Variants in MARCHF1 observed in about 807,000 individuals in gnomAD.
The protein encoded by MARCHF1 is membrane associated ring-CH-type finger 1, also known as E3 ubiquitin-protein ligase MARCHF1.
In MARCHF1, 40 loss-of-function variants were observed where a neutral mutation model predicts 54.2. The ratio of observed to expected loss-of-function variants is 0.74; its 90% CI spans 0.57 to 0.96. The LOEUF (loss-of-function observed/expected upper bound fraction) is 0.96. Among genes scored for constraint, MARCHF1 ranks in the 40% least tolerant of loss-of-function variants. The probability of loss-of-function intolerance (pLI) is 0.00; values close to 1 mark genes in which losing one functional copy is unlikely to be tolerated. For synonymous variants in MARCHF1, 236 were observed against 236.3 expected (o/e 1.00, Z 0.01); for missense variants, 586 against 656.5 (o/e 0.89, Z 1.17).
intron 1 of MARCHF1, among the ~76,000 whole-genome samples, chr4:164,168,697 T>C (rs948643953): frequency 4.4e-5 from 6 of 135,402 alleles, no homozygotes; most frequent in African/African-American, 1.9e-4. Flanking sequence ...CACAAACACA[T>C]AGACACTCCT....
intron 1 of MARCHF1, among the ~76,000 whole-genome samples, chr4:164,353,810 C>T (rs79092126): frequency 5.0e-5 from 7 of 140,350 alleles, no homozygotes; most frequent in East Asian, 4.3e-4. Context: ...TTCAAAAAAT[C>T]AATGAATCCA....
At chr4:163,624,024 A>G (rs1741781354) in intron 5 of MARCHF1, among the ~76,000 whole-genome samples, 4 of 152,216 alleles carry the variant, frequency 2.6e-5, no homozygotes, top group Admixed American at 2.0e-4. Flanking sequence ...ATACCTCGTG[A>G]ACCGTAACAT....
chr4:163,892,622 T>TA (rs1041608656), intron 3 of MARCHF1, among the ~76,000 whole-genome samples: 1 of 149,912 alleles, frequency 6.7e-6, no homozygotes, highest in Admixed American at 6.6e-5. Flanking sequence ...AATAAAAAAA[T>TA]AAAAAAAATT....
chr4:163,590,076 G>A (rs1000562077), intron 7 of MARCHF1, among the ~76,000 whole-genome samples: 13 of 151,914 alleles, frequency 8.6e-5, no homozygotes, highest in Non-Finnish European at 1.5e-5. Flanking sequence ...GTGTGTGTGT[G>A]TGTGTGCTTC....
intron 1 of MARCHF1, among the ~76,000 whole-genome samples, chr4:164,220,018 T>G (rs2111145652): frequency 6.6e-6 from 1 of 151,940 alleles, no homozygotes; most frequent in Non-Finnish European, 1.5e-5. Flanking sequence ...ATAGGTCACT[T>G]TGTATGTATC....
chr4:163,793,857 T>C (rs978014040), intron 4 of MARCHF1, among the ~76,000 whole-genome samples: 4 of 152,102 alleles, frequency 2.6e-5, no homozygotes, highest in African/African-American at 7.2e-5. Flanking sequence ...CCCTTAGAGC[T>C]GTGAGCCCTT....
At chr4:164,067,615 A>G (rs1255809078) in intron 2 of MARCHF1, among the ~76,000 whole-genome samples, 1 of 152,214 alleles carries the variant, frequency 6.6e-6, no homozygotes, top group Non-Finnish European at 1.5e-5. Flanking sequence ...TAAGACCTCA[A>G]ACTATAAAAA....
chr4:163,731,161 A>G (rs1261426132), intron 4 of MARCHF1, among the ~76,000 whole-genome samples: 1 of 152,226 alleles, frequency 6.6e-6, no homozygotes, highest in African/African-American at 2.4e-5. Flanking sequence ...ACATCCCTCT[A>G]CATATCCAAT....
intron 1 of MARCHF1, among the ~76,000 whole-genome samples, chr4:164,209,856 A>T (rs1372356503): frequency 6.6e-6 from 1 of 152,170 alleles, no homozygotes; most frequent in African/African-American, 2.4e-5. Flanking sequence ...ATTTCATGGA[A>T]ATCATGTGTA....
chr4:164,306,264 A>C (rs1734692517), intron 1 of MARCHF1, among the ~76,000 whole-genome samples: 1 of 152,180 alleles, frequency 6.6e-6, no homozygotes, highest in Non-Finnish European at 1.5e-5. Context: ...AAGTCAACTT[A>C]TCAATATCAA....
chr4:164,363,817 A>T (rs961842927), intron 1 of MARCHF1, among the ~76,000 whole-genome samples: 1 of 151,466 alleles, frequency 6.6e-6, no homozygotes, highest in Non-Finnish European at 1.5e-5. Context: ...TCTACATCAC[A>T]TGCCACCTCA....
intron 7 of MARCHF1, among the ~76,000 whole-genome samples, chr4:163,592,111 TAA>T (rs560594927): frequency 1.2e-3 from 187 of 152,264 alleles, no homozygotes; most frequent in African/African-American, 4.4e-3. Flanking sequence ...GCCTGAGATT[TAA>T]AATACCTTGA....
At chr4:163,916,720 A>C (rs1751315882) in intron 3 of MARCHF1, among the ~76,000 whole-genome samples, 1 of 152,126 alleles carries the variant, frequency 6.6e-6, no homozygotes, top group Non-Finnish European at 1.5e-5. Flanking sequence ...TCACAGCACA[A>C]CTGAGCAGAA....
intron 3 of MARCHF1, among the ~76,000 whole-genome samples, chr4:163,974,589 T>C (rs1452479787): frequency 1.3e-5 from 2 of 152,222 alleles, no homozygotes; most frequent in African/African-American, 2.4e-5. Flanking sequence ...ACAGAATTCA[T>C]AAGCATAGGA....
chr4:164,113,691 G>A (rs905831688), intron 1 of MARCHF1, among the ~76,000 whole-genome samples: 2 of 151,914 alleles, frequency 1.3e-5, no homozygotes, highest in Non-Finnish European at 2.9e-5. Flanking sequence ...ATTATTCAGG[G>A]AGGGGTAGGG....
intron 5 of MARCHF1, among the ~76,000 whole-genome samples, chr4:163,636,908 A>G (rs1412257234): frequency 2.0e-5 from 3 of 152,252 alleles, no homozygotes; most frequent in Admixed American, 1.3e-4. Context: ...ATACAGATCA[A>G]TGGAACAGGA....
At chr4:163,879,715 T>G (rs1199709373) in intron 3 of MARCHF1, among the ~76,000 whole-genome samples, 1 of 152,106 alleles carries the variant, frequency 6.6e-6, no homozygotes, top group Non-Finnish European at 1.5e-5. Context: ...AGTCACATTT[T>G]ACTTTACATA....
intron 3 of MARCHF1, among the ~76,000 whole-genome samples, chr4:163,937,374 C>G (rs1391212809): frequency 6.6e-6 from 1 of 151,756 alleles, no homozygotes; most frequent in East Asian, 1.9e-4. Flanking sequence ...TTTTTCACTT[C>G]TTTATTTTAT....
intron 1 of MARCHF1, among the ~76,000 whole-genome samples, chr4:164,338,972 CA>C (rs1048259741): frequency 1.3e-5 from 2 of 150,684 alleles, no homozygotes; most frequent in Non-Finnish European, 3.0e-5. Flanking sequence ...AACTCCATCT[CA>C]AAAAAAATAA....
Sources: allele counts gnomAD v4.1 joint callset (sites outside exome capture counted in the v4.1 genomes callset), GRCh38; gene constraint gnomAD v4.1.1; transcripts MANE v1.5; gene names NCBI Gene and HGNC (gene_info 2026-07-23, HGNC 2026-07-21).